The following LGALS2 variants were observed in gnomAD, a reference collection of about 807,000 sequenced individuals.
The protein encoded by LGALS2 is galectin 2, also known as galectin-2.
A neutral mutation model predicts 10.1 loss-of-function variants in LGALS2; 7 were observed. The observed-to-expected ratio is 0.70, with a 90% CI of 0.40 to 1.31. The LOEUF is 1.31. Among genes scored for constraint, LGALS2 ranks in the 50% most tolerant of loss-of-function variants. The probability of loss-of-function intolerance (pLI) is 0.01; values close to 1 mark genes in which losing one functional copy is unlikely to be tolerated. For missense variants in LGALS2, 167 were observed against 163.6 expected (o/e 1.02, Z -0.11); for synonymous variants, 86 against 64.2 (o/e 1.34, Z -1.63).
At chr22:37,572,167 A>C (rs1925518055) in intron 1 of LGALS2, among the ~76,000 whole-genome samples, 1 of 152,242 alleles carries the variant, frequency 6.6e-6, no homozygotes, top group African/African-American at 2.4e-5. Flanking sequence ...CAACCCGAAG[A>C]GGCACAGGAC....
At chr22:37,575,747 G>T (rs1446478405) in intron 1 of LGALS2, among the ~76,000 whole-genome samples, 1 of 152,082 alleles carries the variant, frequency 6.6e-6, no homozygotes, top group Non-Finnish European at 1.5e-5. Flanking sequence ...AAGCCACTGT[G>T]CCCGGCCTGG....
intron 1 of LGALS2, among the ~76,000 whole-genome samples, chr22:37,574,229 C>G (rs1925594894): frequency 6.6e-6 from 1 of 151,990 alleles, no homozygotes; most frequent in Admixed American, 6.6e-5. Context: ...AAGCTCATTA[C>G]CCAGGGCTGG....
chr22:37,578,981 G>C (rs1481750083), intron 1 of LGALS2: 1 of 152,274 alleles, frequency 6.6e-6, no homozygotes, highest in Non-Finnish European at 1.5e-5. Flanking sequence ...CTGCTACTCA[G>C]GAGGCTGAGG....
chr22:37,579,947 C>T lies in LGALS2; in HGVS notation c.-42G>A. ...GGCAGCTCCCAGCGGCTCCTGGAGG[C>T]CTGTGCTCAGGGTCTCAACTCGTGG... On this transcript the variant is annotated 5_prime_UTR_variant, in exon 1 of 4. Transcript: ENST00000215886. The T allele has an allele frequency of 1.2e-6, 2 of 1,610,350 alleles. No homozygotes were observed. The highest frequency in any genetic ancestry group is 1.7e-6 in the Non-Finnish European group (2 of 1,178,520).
chr22:37,571,270 C>T (rs1925489509), intron 2 of LGALS2, among the ~76,000 whole-genome samples: 1 of 152,148 alleles, frequency 6.6e-6, no homozygotes, highest in African/African-American at 2.4e-5. Context: ...GTCACTTTTC[C>T]CTTAGCTCCT....
At chr22:37,571,804 C>G (rs757282726) in intron 2 of LGALS2, 45 bp downstream of exon 2, 1 of 1,522,402 alleles carries the variant, frequency 6.6e-7, no homozygotes. Context: ...CCCGCCCTGC[C>G]TATTCCGGGC....
At chr22:37,579,433 ATTG>A (rs1051851685) in intron 1 of LGALS2, among the ~76,000 whole-genome samples, 4 of 151,332 alleles carry the variant, frequency 2.6e-5, no homozygotes, top group African/African-American at 4.8e-5. Flanking sequence ...AAGATGCTGT[ATTG>A]TTGTTGTTGT....
chr22:37,571,461 G>C (rs544632211), intron 2 of LGALS2, among the ~76,000 whole-genome samples: 6 of 152,282 alleles, frequency 3.9e-5, no homozygotes, highest in Non-Finnish European at 8.8e-5. Flanking sequence ...CCTGGTGGCT[G>C]CCCTGGTTTA....
intron 1 of LGALS2, among the ~76,000 whole-genome samples, chr22:37,572,854 C>T (rs1471407180): frequency 1.3e-5 from 2 of 151,046 alleles, no homozygotes; most frequent in East Asian, 3.9e-4. Flanking sequence ...GCCTGTAATC[C>T]CAGCTACTTG....
intron 1 of LGALS2, among the ~76,000 whole-genome samples, chr22:37,577,028 G>A (rs533908614): frequency 6.6e-6 from 1 of 152,094 alleles, no homozygotes; most frequent in African/African-American, 2.4e-5. Context: ...CTCTAGTGCC[G>A]ACTCTGCCCC....
chr22:37,576,451 CAAAAAAAA>C (rs55951617), intron 1 of LGALS2, among the ~76,000 whole-genome samples: 56,776 of 108,352 alleles, frequency 0.52, 13,560 homozygotes, highest in South Asian at 0.59. Context: ...GACTCCGTCT[CAAAAAAAA>C]AAAAAAAAAA....
Position 37,570,579 on chromosome 22 carries a change from G to A in LGALS2, c.246C>T (p.Val82=). 1 of 1,614,186 alleles carries A rather than the reference G, an allele frequency of 6.2e-7. No homozygotes were observed. Among genetic ancestry groups the A allele is most frequent in the Non-Finnish European group, 8.5e-7 (1 of 1,180,042 alleles). The change falls in exon 3 of 4, where the codon GTC becomes GTT. Residue 82 remains valine, a synonymous_variant. Transcript: ENST00000215886. The part of the protein sequence containing the change: ...DHLCFSPGSE[V]KFTVTFESDK... ...CCCTTTCCCCCTTTGACCTCACCTT[G>A]ACCTCTGACCCTGGGCTGAAGCACA... is the stretch of plus-strand genomic sequence containing the variant.
At chr22:37,574,715 C>A (rs1187023556) in intron 1 of LGALS2, among the ~76,000 whole-genome samples, 1 of 151,954 alleles carries the variant, frequency 6.6e-6, no homozygotes, top group Non-Finnish European at 1.5e-5. Flanking sequence ...TGGACTGGGG[C>A]ACTTTGCCAG....
chr22:37,577,489 A>C (rs1925721580), intron 1 of LGALS2, among the ~76,000 whole-genome samples: 1 of 149,718 alleles, frequency 6.7e-6, no homozygotes, highest in African/African-American at 2.5e-5. Context: ...AGCTGGGATT[A>C]CGGGTGCCCA....
Position 37,570,476 on chromosome 22 carries a change from T to C in LGALS2, c.250-64A>G, listed in dbSNP as rs928683136. The C allele has an allele frequency of 2.5e-6, 4 of 1,605,986 alleles. No individual in the cohort carries two copies. In the African/African-American group the frequency reaches 4.0e-5, roughly 16 times the overall value. The stretch of plus-strand genomic sequence containing the variant: ...GGAAATGGGCCAGGGCAGTGCCTGA[T>C]GGCTCAAACAAGGCCAGCACCTGTG... On this transcript the variant is annotated intron_variant, in intron 3 of 3. Coordinates refer to ENST00000215886, the MANE Select transcript of LGALS2 (RefSeq NM_006498.3).
intron 1 of LGALS2, among the ~76,000 whole-genome samples, chr22:37,579,269 A>AAG (rs1925779971): frequency 7.6e-6 from 1 of 131,258 alleles, no homozygotes; most frequent in African/African-American, 2.7e-5. Flanking sequence ...AAAAAAGAGA[A>AAG]AGAAAAGAAA....
chr22:37,579,968 C>T lies in LGALS2; in HGVS notation c.-63G>A, dbSNP rs1055445766. On this transcript the variant is annotated 5_prime_UTR_variant, in exon 1 of 4. Coordinates refer to ENST00000215886, the MANE Select transcript of LGALS2 (RefSeq NM_006498.3). ...GAGGCCTGTGCTCAGGGTCTCAACT[C>T]GTGGTCAAGCTTATATCCTAGAATA... 82 of 1,586,172 alleles carry T rather than the reference C, an allele frequency of 5.2e-5. 1 individual carries two copies. The highest frequency in any genetic ancestry group is 2.9e-4 in the East Asian group (13 of 44,674).
intron 1 of LGALS2, among the ~76,000 whole-genome samples, chr22:37,576,105 T>C (rs1280274909): frequency 6.6e-6 from 1 of 152,126 alleles, no homozygotes; most frequent in Non-Finnish European, 1.5e-5. Context: ...ATGTCTTTGC[T>C]TAACACAACG....
chr22:37,571,425 G>A (rs2281100), intron 2 of LGALS2, among the ~76,000 whole-genome samples: 63,657 of 152,062 alleles, frequency 0.42, 16,479 homozygotes, highest in Non-Finnish European at 0.56. Context: ...TAACCAAGAG[G>A]ATGCCAGCGA....
Sources: gnomAD v4.1 joint callset for allele counts (sites outside exome capture counted in the v4.1 genomes callset) on GRCh38, gnomAD v4.1.1 for gene constraint, MANE v1.5 for transcripts, NCBI Gene and HGNC (gene_info 2026-07-23, HGNC 2026-07-21) for gene names.